Variants in CADPS2 observed in about 807,000 individuals in gnomAD.
CADPS2 encodes calcium-dependent secretion activator 2.
CADPS2 carries 93 observed loss-of-function variants against 172.5 expected under a neutral mutation model. The observed-to-expected ratio is 0.54, with a 90% CI of 0.46 to 0.64. CADPS2 has a LOEUF of 0.64. Ranked by LOEUF, CADPS2 falls within the 30% of genes least tolerant of loss-of-function variation. The pLI is 0.00. For synonymous variants in CADPS2, 546 were observed against 555.2 expected (o/e 0.98, Z 0.23); for missense variants, 1,420 against 1,565.9 (o/e 0.91, Z 1.57).
chr7:122,438,539 C>G (rs1176957249), intron 16 of CADPS2, 75 bp from the exon 17 acceptor site: 5 of 1,504,244 alleles, frequency 3.3e-6, no homozygotes, highest in Non-Finnish European at 3.6e-6. Flanking sequence ...ACAGATGTTG[C>G]ATAAAATAAA....
intron 6 of CADPS2, among the ~76,000 whole-genome samples, chr7:122,610,913 A>G (rs1488081185): frequency 6.6e-6 from 1 of 152,180 alleles, no homozygotes; most frequent in East Asian, 1.9e-4. Context: ...CTGGAGTGAC[A>G]TGGTAGGACC....
At chr7:122,542,189 A>C (rs2063171814) in intron 8 of CADPS2, among the ~76,000 whole-genome samples, 1 of 152,020 alleles carries the variant, frequency 6.6e-6, no homozygotes, top group South Asian at 2.1e-4. Flanking sequence ...AGGGAGGTTA[A>C]GTAACTTGCC....
At chr7:122,723,292 C>A (rs934905723) in intron 2 of CADPS2, among the ~76,000 whole-genome samples, 3 of 151,852 alleles carry the variant, frequency 2.0e-5, no homozygotes, top group South Asian at 2.1e-4. Context: ...CTGACAAAGG[C>A]CTAATATCCA....
chr7:122,629,153 C>G lies in CADPS2; in HGVS notation c.867+95G>C, dbSNP rs76893555. ...AGAAAATGTTAAAATTATGCTGGCT[C>G]TTTTTTTTTTAACCTATACAAAACA... On this transcript the variant is annotated intron_variant, in intron 4 of 29. Coordinates refer to ENST00000449022, the MANE Select transcript of CADPS2 (RefSeq NM_017954.11). 4.1e-6 allele frequency: 3 copies of G among 727,080 alleles called. No homozygotes were observed. The African/African-American group carries it at 5.7e-5, about 14-fold the overall frequency. The allele number at this position is 727,080 out of a possible 1,614,324, so 45.0% of individuals were successfully genotyped here.
chr7:122,732,298 AT>A (rs1421223368), intron 2 of CADPS2, among the ~76,000 whole-genome samples: 4 of 151,618 alleles, frequency 2.6e-5, no homozygotes, highest in African/African-American at 9.7e-5. Flanking sequence ...TAAACCGAAT[AT>A]CTGAAGGTAC....
chr7:122,442,946 A>C (rs1434893098), intron 15 of CADPS2, among the ~76,000 whole-genome samples: 5 of 152,208 alleles, frequency 3.3e-5, no homozygotes, highest in Non-Finnish European at 2.9e-5. Context: ...TGCTTTTAAG[A>C]GCATTAGCAA....
At chr7:122,483,209 A>C (rs1453001763) in intron 11 of CADPS2, among the ~76,000 whole-genome samples, 2 of 152,196 alleles carry the variant, frequency 1.3e-5, no homozygotes, top group Admixed American at 1.3e-4. Context: ...CATCATAATC[A>C]AATTGCTCAA....
chr7:122,815,946 C>A (rs1182468603), intron 1 of CADPS2, among the ~76,000 whole-genome samples: 1 of 152,114 alleles, frequency 6.6e-6, no homozygotes, highest in Non-Finnish European at 1.5e-5. Context: ...TTGATACAAG[C>A]ATACAATGTT....
chr7:122,697,334 TATAA>T (rs1484664213), intron 2 of CADPS2, among the ~76,000 whole-genome samples: 2 of 152,122 alleles, frequency 1.3e-5, no homozygotes, highest in African/African-American at 2.4e-5. Flanking sequence ...TAAGACATAC[TATAA>T]ATATGTTATC....
intron 10 of CADPS2, 29 bp downstream of exon 10, chr7:122,491,283 G>A: frequency 7.0e-7 from 1 of 1,419,200 alleles, no homozygotes; most frequent in Non-Finnish European, 9.8e-7. Flanking sequence ...TACATACATG[G>A]CAGGAAAAGT....
intron 1 of CADPS2, among the ~76,000 whole-genome samples, chr7:122,859,197 T>C (rs1309085837): frequency 6.6e-6 from 1 of 152,228 alleles, no homozygotes; most frequent in Non-Finnish European, 1.5e-5. Flanking sequence ...TGAAAGTTTA[T>C]ATTATGTTAA....
At chr7:122,690,349 AT>A (rs1210464945) in intron 2 of CADPS2, among the ~76,000 whole-genome samples, 2 of 152,176 alleles carry the variant, frequency 1.3e-5, no homozygotes, top group Admixed American at 1.3e-4. Flanking sequence ...GAAGTTTATG[AT>A]AGTCCACACA....
chr7:122,841,673 C>A (rs1037193602), intron 1 of CADPS2, among the ~76,000 whole-genome samples: 14 of 151,984 alleles, frequency 9.2e-5, no homozygotes, highest in African/African-American at 3.4e-4. Flanking sequence ...TCTGAATATG[C>A]AAAAAATGTA....
intron 1 of CADPS2, among the ~76,000 whole-genome samples, chr7:122,747,210 A>G (rs1350590760): frequency 6.6e-6 from 1 of 152,016 alleles, no homozygotes; most frequent in Non-Finnish European, 1.5e-5. Context: ...ATTCCCCCCA[A>G]CACCCAGCCA....
intron 2 of CADPS2, among the ~76,000 whole-genome samples, chr7:122,735,968 CTTG>C (rs1562895394): frequency 2.0e-5 from 3 of 152,262 alleles, no homozygotes; most frequent in East Asian, 1.9e-4. Flanking sequence ...GCTCCTATAA[CTTG>C]TTAAGATATT....
chr7:122,612,747 A>AC (rs1205570920), intron 6 of CADPS2, among the ~76,000 whole-genome samples: 1 of 152,120 alleles, frequency 6.6e-6, no homozygotes, highest in African/African-American at 2.4e-5. Context: ...AATCTTCAAA[A>AC]GCAACATAGG....
chr7:122,405,111 A>G (rs780253035), intron 20 of CADPS2, among the ~76,000 whole-genome samples: 2 of 151,966 alleles, frequency 1.3e-5, no homozygotes, highest in South Asian at 4.1e-4. Flanking sequence ...CAAACAAACA[A>G]AAGTCTCAAA....
At chr7:122,527,418 A>T (rs2061326905) in intron 8 of CADPS2, among the ~76,000 whole-genome samples, 1 of 1,332 alleles carries the variant, frequency 7.5e-4, no homozygotes, top group African/African-American at 9.5e-4. Context: ...TAATATGCTA[A>T]AAAAAAAAAA....
chr7:122,344,116 G>A (rs550101323), intron 28 of CADPS2, among the ~76,000 whole-genome samples: 106 of 152,204 alleles, frequency 7.0e-4, no homozygotes, highest in African/African-American at 2.2e-3. Context: ...GAGAGACCAC[G>A]GCAGAGAGGA....
Sources: gnomAD v4.1 joint callset for allele counts (sites outside exome capture counted in the v4.1 genomes callset) on GRCh38, gnomAD v4.1.1 for gene constraint, MANE v1.5 for transcripts, NCBI Gene and HGNC (gene_info 2026-07-23, HGNC 2026-07-21) for gene names.